The following CANT1 variants were observed in gnomAD, a reference collection of about 807,000 sequenced individuals.
CANT1 encodes the protein soluble calcium-activated nucleotidase 1.
In CANT1, 26 loss-of-function variants were observed where a neutral mutation model predicts 30.0. The observed-to-expected ratio is 0.87, with a 90% CI of 0.64 to 1.20. CANT1 has a LOEUF of 1.20. Among genes scored for constraint, CANT1 ranks in the 50% most tolerant of loss-of-function variants. CANT1 has a pLI of 0.00. For missense variants in CANT1, 518 were observed against 563.0 expected (o/e 0.92, Z 0.81); for synonymous variants, 246 against 251.8 (o/e 0.98, Z 0.22).
chr17:79,004,044 TGGGGAGTTAGGGAGGGGGAGTTAGGGAGA>T (rs1568043445), intron 1 of CANT1, among the ~76,000 whole-genome samples: 1 of 6,608 alleles, frequency 1.5e-4, no homozygotes, highest in Non-Finnish European at 2.9e-4. Context: ...AGTTAGTGAG[TGGGGAGTTAGGGAGGGGGAGTTAGGGAGA>T]GGGGAGTTAG....
Position 78,993,798 on chromosome 17 carries a change from G to A in CANT1, c.958C>T (p.Leu320=). Residue 320 remains leucine (L), a synonymous_variant, in exon 5 of 5, where the codon CTG becomes TTG. Transcript: ENST00000392446. The surrounding 1 kb of genome is among the most constrained non-coding windows in gnomAD (Gnocchi z 4.5). ...CCGAAGTCAGGGGAGGCGCTCAGCA[G>A]CAGGTTGGCGCCCTTGCGCTCGTCG... ...KDDERKGANL[L]LSASPDFGDI... 1.2e-6 allele frequency: 2 copies of A among 1,610,910 alleles called. No individual in the cohort carries two copies. The highest frequency in any genetic ancestry group is 1.7e-6 in the Non-Finnish European group (2 of 1,179,390).
At position 78,997,094 on chromosome 17, in the gene CANT1, G is replaced by C. The variant is rs375929530; in HGVS notation, c.529C>G (p.Leu177Val). 6.2e-7 allele frequency: 1 copy of C among 1,614,176 alleles called. No individual in the cohort carries two copies. The highest frequency in any genetic ancestry group is 8.5e-7 in the Non-Finnish European group (1 of 1,180,044). ...CCCGTCCGGTCATCCACGGAGTAGA[G>C]TTTCCCATTGAAAACAATCAGGTCG... ...LSDLIVFNGK[L>V]YSVDDRTGVV... Residue 177 changes from leucine to valine, a missense_variant, in exon 3 of 5, where the codon CTC (leucine) becomes GTC (valine). Leu to Val is a conservative substitution (Grantham distance 32, BLOSUM62 1). Coordinates refer to ENST00000392446, the MANE Select transcript of CANT1 (RefSeq NM_001159773.2). This position sits in a 1 kb window ranked among gnomAD's most constrained non-coding sequence, Gnocchi z 7.5.
Position 78,995,364 on chromosome 17 carries a change from C to G in CANT1, c.632-143G>C. 4 of 888,682 alleles carry G rather than the reference C, an allele frequency of 4.5e-6. No individual in the cohort carries two copies. Among genetic ancestry groups the G allele is most frequent in the Non-Finnish European group, 7.1e-6 (4 of 567,346 alleles). 55.0% of individuals were successfully genotyped at this position (888,682 alleles called of 1,614,324 possible). Reference sequence around the variant, plus strand: ...ACACCTGCCTCCCCTCCGGCCCGCACCTGGCTCCCGCCCAGGGCCGGCCGG... The same window carrying G: ...ACACCTGCCTCCCCTCCGGCCCGCAGCTGGCTCCCGCCCAGGGCCGGCCGG... On this transcript the variant is annotated intron_variant, in intron 3 of 4. Transcript: ENST00000392446. This position sits in a 1 kb window ranked among gnomAD's most constrained non-coding sequence, Gnocchi z 5.7.
At position 78,998,394 on chromosome 17, in the gene CANT1, A is replaced by G. The variant is rs2071116317; in HGVS notation, c.-146-431T>C. On this transcript the variant is annotated intron_variant, in intron 1 of 4. Transcript: ENST00000392446. This position sits in a 1 kb window ranked among gnomAD's most constrained non-coding sequence, Gnocchi z 4.5. ...TCTGTCCCCTGGCGCCTTTCTATTA[A>G]TGCAAATGACTGCAGGGACCAGAGT... is the stretch of plus-strand genomic sequence containing the variant. The G allele has an allele frequency of 6.6e-6, 1 of 152,262 alleles. No homozygotes were observed. The highest frequency in any genetic ancestry group is 6.5e-5 in the Admixed American group (1 of 15,290). 9.4% of individuals were successfully genotyped at this position (152,262 alleles called of 1,614,324 possible).
Position 78,993,198 on chromosome 17 carries a change from C to T in CANT1, c.*352G>A, listed in dbSNP as rs766546218. On this transcript the variant is annotated 3_prime_UTR_variant, in exon 5 of 5. Transcript: ENST00000392446. The surrounding 1 kb of genome is among the most constrained non-coding windows in gnomAD (Gnocchi z 4.5). ...TGCGTTCTCAGGGTGAGGCATAGGGCCTGACATATGGTAGGAGCTCTAGGG... is the reference window on the plus strand; with the variant it reads ...TGCGTTCTCAGGGTGAGGCATAGGGTCTGACATATGGTAGGAGCTCTAGGG... 41 of 414,344 alleles carry T rather than the reference C, an allele frequency of 9.9e-5. No individual in the cohort carries two copies. The highest frequency in any genetic ancestry group is 3.9e-4 in the Admixed American group (10 of 25,358). The allele number at this position is 414,344 out of a possible 1,614,324, so 25.7% of individuals were successfully genotyped here.
rs1300435969 is a variant in CANT1 at position 78,997,773 on chromosome 17, T to C, written c.-23+67A>G. ...ACAGTATTTCACTACTCTGTGGCCA[T>C]TCTTACTCCCTTGGCTTAATGAATT... On this transcript the variant is annotated intron_variant, in intron 2 of 4. Coordinates refer to ENST00000392446, the MANE Select transcript of CANT1 (RefSeq NM_001159773.2). This position sits in a 1 kb window ranked among gnomAD's most constrained non-coding sequence, Gnocchi z 7.5. The C allele has an allele frequency of 1.4e-6, 1 of 730,238 alleles. No individual in the cohort carries two copies. Among genetic ancestry groups the C allele is most frequent in the East Asian group, 2.8e-5 (1 of 35,416 alleles). 45.2% of individuals were successfully genotyped at this position (730,238 alleles called of 1,614,324 possible). A position where few individuals can be genotyped will look rare whatever the true frequency, so the allele number is the denominator to read the frequency against.
chr17:79,008,414 A>G lies in CANT1; in HGVS notation c.-147+1250T>C, dbSNP rs1244013422. ...ACCCGCTTCCTTTTAGGAGCCTTCT[A>G]CGACCTGACACTTGTTTCAAGTTTG... is the stretch of plus-strand genomic sequence containing the variant. On this transcript the variant is annotated intron_variant, in intron 1 of 4. Transcript: ENST00000392446. The surrounding 1 kb of genome is among the most constrained non-coding windows in gnomAD (Gnocchi z 4.4). Among the ~76,000 whole-genome samples, 1 of 152,236 alleles carries G rather than the reference A, an allele frequency of 6.6e-6. No homozygotes were observed. Among genetic ancestry groups the G allele is most frequent in the Non-Finnish European group, 1.5e-5 (1 of 68,040 alleles).
Position 78,992,768 on chromosome 17 carries a change from C to T in CANT1, c.*782G>A, listed in dbSNP as rs756136551. On this transcript the variant is annotated 3_prime_UTR_variant, in exon 5 of 5. Coordinates refer to ENST00000392446, the MANE Select transcript of CANT1 (RefSeq NM_001159773.2). ...CTTACAATCTCCCGCACTGCTGGAG[C>T]GGGCTGGGTAACTACAGGACTGTGC... 10 of 585,374 alleles carry T rather than the reference C, an allele frequency of 1.7e-5. No homozygotes were observed. In the East Asian group the frequency reaches 2.1e-4, roughly 12 times the overall value. 36.3% of individuals were successfully genotyped at this position (585,374 alleles called of 1,614,324 possible). A position where few individuals can be genotyped will look rare whatever the true frequency, so the allele number is the denominator to read the frequency against.
rs778071923 is a variant in CANT1 at position 78,993,571 on chromosome 17, G to A, written c.1185C>T (p.Tyr395=). 8 of 1,614,210 alleles carry A rather than the reference G, an allele frequency of 5.0e-6. No homozygotes were observed. Among genetic ancestry groups the A allele is most frequent in the East Asian group, 4.5e-5 (2 of 44,872 alleles). ...LPETKIGSVK[Y]EGIEFI is the part of the protein sequence containing the mutation. The stretch of plus-strand genomic sequence containing the variant: ...TGAGTTAAATGAACTCGATGCCTTC[G>A]TATTTCACGCTTCCGATCTTGGTCT... The change falls in exon 5 of 5, where the codon TAC becomes TAT. Residue 395 remains tyrosine, a synonymous_variant. Coordinates refer to ENST00000392446, the MANE Select transcript of CANT1 (RefSeq NM_001159773.2). This position sits in a 1 kb window ranked among gnomAD's most constrained non-coding sequence, Gnocchi z 4.5.
rs1828798628 is a variant in CANT1 at position 78,991,850 on chromosome 17, C to G, written c.*1700G>C. The stretch of plus-strand genomic sequence containing the variant: ...CTTTAAAGTAATCGCAAATCACTGC[C>G]TATGCGAAGAGGCTGCTTCCGGGCA... On this transcript the variant is annotated 3_prime_UTR_variant, in exon 5 of 5. Coordinates refer to ENST00000392446, the MANE Select transcript of CANT1 (RefSeq NM_001159773.2). 1 of 230,832 alleles carries G rather than the reference C, an allele frequency of 4.3e-6. No individual in the cohort carries two copies. The allele number at this position is 230,832 out of a possible 1,614,324, so 14.3% of individuals were successfully genotyped here.
At position 78,995,111 on chromosome 17, in the gene CANT1, C is replaced by T; in HGVS notation, c.742G>A (p.Val248Met). ...CTGCCCTTGTAGCCCACCACCTTCA[C>T]CCACTCCGGGTTCTCGTTCACCACA... ...GDVVNENPEW[V>M]KVVGYKGSVD... Residue 248 changes from valine to methionine, a missense_variant, in exon 4 of 5, where the codon GTG (valine) becomes ATG (methionine). Coordinates refer to ENST00000392446, the MANE Select transcript of CANT1 (RefSeq NM_001159773.2). This position sits in a 1 kb window ranked among gnomAD's most constrained non-coding sequence, Gnocchi z 5.7. 6.2e-7 allele frequency: 1 copy of T among 1,613,176 alleles called. No individual in the cohort carries two copies. The highest frequency in any genetic ancestry group is 1.1e-5 in the South Asian group (1 of 90,700).
rs2071637820 is a variant in CANT1, at chr17:79,008,744, T to C, written c.-147+920A>G. ...GGAGAAGCAAAGGCACCAGGCAACA[T>C]GGACTGGCAAGGAGGTACCAGTCTC... On this transcript the variant is annotated intron_variant, in intron 1 of 4. Transcript: ENST00000392446. The surrounding 1 kb of genome is among the most constrained non-coding windows in gnomAD (Gnocchi z 4.4). Among the ~76,000 whole-genome samples the C allele has an allele frequency of 6.6e-6, 1 of 152,094 alleles. No homozygotes were observed. Among genetic ancestry groups the C allele is most frequent in the Non-Finnish European group, 1.5e-5 (1 of 68,006 alleles).
In CANT1 at chr17:78,996,962, C is replaced by A. The variant is rs754216030; in HGVS notation, c.631+30G>T. ...GCCCTGAGCTCCCACTCCCCACCCA[C>A]ACCTCCATAAAACCTCAGGGTCCAG... On this transcript the variant is annotated intron_variant, in intron 3 of 4. Transcript: ENST00000392446. This position sits in a 1 kb window ranked among gnomAD's most constrained non-coding sequence, Gnocchi z 5.1. 32 of 1,612,490 alleles carry A rather than the reference C, an allele frequency of 2.0e-5. No individual in the cohort carries two copies. Among genetic ancestry groups the A allele is most frequent in the Non-Finnish European group, 2.7e-5 (32 of 1,180,032 alleles).
In CANT1 at chr17:79,008,291, G is replaced by C. The variant is rs1262845889; in HGVS notation, c.-147+1373C>G. ...AGGCCTGCGGTGGGGCTGCAGGGAG[G>C]GTCTGTGGTCCAGGCCTGGAGGGAC... On this transcript the variant is annotated intron_variant, in intron 1 of 4. Coordinates refer to ENST00000392446, the MANE Select transcript of CANT1 (RefSeq NM_001159773.2). The surrounding 1 kb of genome is among the most constrained non-coding windows in gnomAD (Gnocchi z 4.4). The C allele has an allele frequency of 6.6e-6, 1 of 152,418 alleles. No homozygotes were observed. The highest frequency in any genetic ancestry group is 1.5e-5 in the Non-Finnish European group (1 of 68,198). 9.4% of individuals were successfully genotyped at this position (152,418 alleles called of 1,614,324 possible). A position where few individuals can be genotyped will look rare whatever the true frequency, so the allele number is the denominator to read the frequency against.
At position 78,997,699 on chromosome 17, in the gene CANT1, T is replaced by C. The variant is rs2071091562; in HGVS notation, c.-22-55A>G. The C allele has an allele frequency of 6.9e-7, 1 of 1,447,716 alleles. No individual in the cohort carries two copies. Among genetic ancestry groups the C allele is most frequent in the Non-Finnish European group, 9.2e-7 (1 of 1,091,142 alleles). The allele number at this position is 1,447,716 out of a possible 1,614,324, so 89.7% of individuals were successfully genotyped here. A position where few individuals can be genotyped will look rare whatever the true frequency, so the allele number is the denominator to read the frequency against. The stretch of plus-strand genomic sequence containing the variant: ...CAGCGCCTCCGCAAGCCCAGTCACA[T>C]CTTAGTTCCGGAAGCTGCAGGCGCT... On this transcript the variant is annotated intron_variant, in intron 2 of 4. Coordinates refer to ENST00000392446, the MANE Select transcript of CANT1 (RefSeq NM_001159773.2). The surrounding 1 kb of genome is among the most constrained non-coding windows in gnomAD (Gnocchi z 7.5).
rs1767687030 is a variant in CANT1 at position 78,996,356 on chromosome 17, C to G, written c.631+636G>C. Among the ~76,000 whole-genome samples the G allele has an allele frequency of 6.6e-6, 1 of 152,182 alleles. No homozygotes were observed. The highest frequency in any genetic ancestry group is 2.4e-5 in the African/African-American group (1 of 41,444). The stretch of plus-strand genomic sequence containing the variant: ...AGCTCCTCTGCCAGCGTCCTTGGCA[C>G]CTCCCCAGCTCCTCTCTGGAGGAAG... On this transcript the variant is annotated intron_variant, in intron 3 of 4. Coordinates refer to ENST00000392446, the MANE Select transcript of CANT1 (RefSeq NM_001159773.2). This position sits in a 1 kb window ranked among gnomAD's most constrained non-coding sequence, Gnocchi z 5.1.
rs1484471001 is a variant in CANT1, at chr17:78,995,239, C to A, written c.632-18G>T. ...CTTGAAGCCTGGCCAAGCAGAGTGT[C>A]CTTAGGCCCCGCACCCAGCTCCCGC... On this transcript the variant is annotated intron_variant, in intron 3 of 4. Coordinates refer to ENST00000392446, the MANE Select transcript of CANT1 (RefSeq NM_001159773.2). This position sits in a 1 kb window ranked among gnomAD's most constrained non-coding sequence, Gnocchi z 5.7. 2 of 1,610,112 alleles carry A rather than the reference C, an allele frequency of 1.2e-6. No individual in the cohort carries two copies. Among genetic ancestry groups the A allele is most frequent in the East Asian group, 4.5e-5 (2 of 44,844 alleles).
intron 1 of CANT1, among the ~76,000 whole-genome samples, chr17:79,006,882 G>A (rs949103240): frequency 1.3e-4 from 20 of 152,134 alleles, no homozygotes; most frequent in African/African-American, 4.8e-4. Flanking sequence ...CTCCAGGCTC[G>A]GCTCCCGGGA....
chr17:78,995,067 C>G lies in CANT1; in HGVS notation c.786G>C (p.Trp262Cys), dbSNP rs754810553. 5.0e-6 allele frequency: 8 copies of G among 1,605,592 alleles called. No homozygotes were observed. The highest frequency in any genetic ancestry group is 6.8e-6 in the Non-Finnish European group (8 of 1,176,196). The change falls in exon 4 of 5, where the codon TGG becomes TGC. Residue 262 changes from tryptophan (W) to cysteine (C), a missense_variant. This residue lies in a region of CANT1 where 221 missense variants were observed against 211.8 expected (regional missense o/e 1.04). Transcript: ENST00000392446. The surrounding 1 kb of genome is among the most constrained non-coding windows in gnomAD (Gnocchi z 5.7). ...GYKGSVDHEN[W>C]VSNYNALRAA... ...CCCGCAGGGCGTTGTAGTTGGACAC[C>G]CAGTTCTCGTGGTCCACGCTGCCCT...
Sources: allele counts gnomAD v4.1 joint callset (sites outside exome capture counted in the v4.1 genomes callset), GRCh38; gene constraint gnomAD v4.1.1; regional missense constraint gnomAD v4.1.1; non-coding constraint Gnocchi (gnomAD v3.1); transcripts MANE v1.5; gene names NCBI Gene and HGNC (gene_info 2026-07-23, HGNC 2026-07-21).